Variants in ATP11C observed in about 807,000 individuals in gnomAD.
The protein encoded by ATP11C is phospholipid-transporting ATPase IG.
Under a neutral mutation model 97.4 loss-of-function variants are expected in ATP11C, and 36 were observed. That is an observed-to-expected ratio of 0.37 (90% confidence interval 0.28 to 0.49). The LOEUF is 0.49. Ranked by LOEUF, ATP11C falls within the 20% of genes least tolerant of loss-of-function variation. The pLI, the probability that ATP11C is intolerant of heterozygous loss-of-function variation, is 0.98. For synonymous variants in ATP11C, 275 were observed against 290.9 expected, an observed-to-expected ratio of 0.95 and a Z score of 0.56; for missense variants, 730 against 824.6, an observed-to-expected ratio of 0.89 and a Z score of 1.40.
At chrX:139,739,874 A>T (rs1282729949) in intron 27 of ATP11C, among the ~76,000 whole-genome samples, 1 of 111,836 alleles carries the variant, frequency 8.9e-6, no homozygotes, top group Non-Finnish European at 1.9e-5. Flanking sequence ...GAAAATAGAG[A>T]CTTCTTCCAG....
intron 1 of ATP11C, among the ~76,000 whole-genome samples, chrX:139,863,550 AAAAATAAAT>A (rs1375009532): frequency 2.7e-5 from 3 of 110,664 alleles, no homozygotes; most frequent in Non-Finnish European, 5.7e-5. Flanking sequence ...AAATAAAATA[AAAAATAAAT>A]AAAATAAAAT....
chrX:139,741,437 T>C (rs2081553498), intron 26 of ATP11C, among the ~76,000 whole-genome samples: 2 of 110,253 alleles, frequency 1.8e-5, no homozygotes. Flanking sequence ...CCTCAGGCAA[T>C]GGCAGCCAGG....
rs1205983643 is a variant in ATP11C at position 139,837,228 on chromosome X, T to C, written c.28-10405A>G. Among the ~76,000 whole-genome samples, 23 of 111,820 alleles carry C rather than the reference T, an allele frequency of 2.1e-4. No homozygotes were observed. In the Admixed American group the frequency reaches 2.1e-3, roughly 10 times the overall value. On this transcript the variant is annotated intron_variant, in intron 1 of 29. Transcript: ENST00000682941. The stretch of plus-strand genomic sequence containing the variant: ...TTCTATTCAAGTGTATGACTGAAAA[T>C]AGCAATGGGGTATTTCTAAAGCACA...
At chrX:139,928,473 T>C (rs1349351852) in intron 1 of ATP11C, among the ~76,000 whole-genome samples, 1 of 111,974 alleles carries the variant, frequency 8.9e-6, no homozygotes, top group Non-Finnish European at 1.9e-5. Flanking sequence ...CTAAAAACCT[T>C]CTTGCTCCTG....
intron 26 of ATP11C, 90 bp downstream of exon 26, chrX:139,743,469 A>G: frequency 1.8e-6 from 1 of 570,987 alleles, no homozygotes; most frequent in Non-Finnish European, 2.8e-6. Context: ...AACAAGAAAT[A>G]AAGGAGACAA....
intron 12 of ATP11C, 58 bp downstream of exon 12, chrX:139,796,215 C>G: frequency 1.1e-6 from 1 of 939,509 alleles, no homozygotes. Flanking sequence ...ATCCAGACTA[C>G]ACAAAAAGAT....
chrX:139,826,662 A>T, intron 2 of ATP11C, 42 bp downstream of exon 2: 1 of 1,121,141 alleles, frequency 8.9e-7, no homozygotes, highest in Non-Finnish European at 1.2e-6. Context: ...GCATTATCTG[A>T]TTCACTATAT....
intron 1 of ATP11C, among the ~76,000 whole-genome samples, chrX:139,919,073 T>C (rs1313328622): frequency 9.0e-6 from 1 of 111,128 alleles, no homozygotes; most frequent in East Asian, 2.8e-4. Flanking sequence ...AAACCCTGTC[T>C]CTAATAAAAA....
intron 1 of ATP11C, among the ~76,000 whole-genome samples, chrX:139,852,003 G>A (rs2083997131): frequency 9.0e-6 from 1 of 110,622 alleles, no homozygotes; most frequent in Non-Finnish European, 1.9e-5. Flanking sequence ...TCTGGGATTT[G>A]GAGTTGATTC....
At chrX:139,900,447 T>C (rs2148105280) in intron 1 of ATP11C, among the ~76,000 whole-genome samples, 1 of 111,099 alleles carries the variant, frequency 9.0e-6, no homozygotes, top group East Asian at 2.8e-4. Flanking sequence ...ATCTAAGCTT[T>C]AGAGGGAAAA....
intron 24 of ATP11C, among the ~76,000 whole-genome samples, chrX:139,748,360 C>T (rs1438045962): frequency 3.6e-5 from 4 of 110,186 alleles, no homozygotes; most frequent in Non-Finnish European, 5.7e-5. Context: ...CTTGGTGGGA[C>T]GGAATGGGAG....
At chrX:139,742,840 AT>A (rs1432360573) in intron 26 of ATP11C, among the ~76,000 whole-genome samples, 6 of 79,136 alleles carry the variant, frequency 7.6e-5, no homozygotes, top group East Asian at 3.6e-4. Context: ...ATATATTTTT[AT>A]TTTTTTATAT....
At chrX:139,875,696 T>C (rs2084461291) in intron 1 of ATP11C, among the ~76,000 whole-genome samples, 1 of 112,357 alleles carries the variant, frequency 8.9e-6, no homozygotes, top group Non-Finnish European at 1.9e-5. Context: ...AAGTGGTTGC[T>C]AATAATAGCT....
At chrX:139,839,783 T>C (rs1318645224) in intron 1 of ATP11C, among the ~76,000 whole-genome samples, 1 of 111,799 alleles carries the variant, frequency 8.9e-6, no homozygotes, top group Non-Finnish European at 1.9e-5. Context: ...TGCAAAGTTT[T>C]ATACACAGTC....
chrX:139,867,346 G>A (rs1250176251), intron 1 of ATP11C, among the ~76,000 whole-genome samples: 1 of 110,654 alleles, frequency 9.0e-6, no homozygotes, highest in African/African-American at 3.3e-5. Context: ...AAGGAAGGGG[G>A]ATAGGAAGTG....
At chrX:139,832,059 A>T in intron 1 of ATP11C, 1 of 920,856 alleles carries the variant, frequency 1.1e-6, no homozygotes. Flanking sequence ...ATGGATAAAA[A>T]TATACATGCA....
chrX:139,762,835 A>G (rs183630777), intron 21 of ATP11C, among the ~76,000 whole-genome samples: 1 of 111,482 alleles, frequency 9.0e-6, no homozygotes, highest in African/African-American at 3.3e-5. Flanking sequence ...CTGTTGTTGC[A>G]TGTCAATATA....
chrX:139,732,348 T>A, intron 28 of ATP11C: 1 of 258,588 alleles, frequency 3.9e-6, no homozygotes, highest in South Asian at 4.3e-5. Flanking sequence ...AAATGAGTCA[T>A]GAGAAGTAAT....
At chrX:139,812,479 G>A (rs67593683) in intron 5 of ATP11C, among the ~76,000 whole-genome samples, 5,484 of 109,736 alleles carry the variant, frequency 0.05, 240 homozygotes, top group East Asian at 0.29. Flanking sequence ...TTTACGTAGT[G>A]TACTGGGAAC....
Sources: gnomAD v4.1 joint callset for allele counts (sites outside exome capture counted in the v4.1 genomes callset) on GRCh38, gnomAD v4.1.1 for gene constraint, MANE v1.5 for transcripts, NCBI Gene and HGNC (gene_info 2026-07-23, HGNC 2026-07-21) for gene names.